Variants in FOXP2 observed in about 807,000 individuals in gnomAD.
FOXP2 encodes the protein forkhead box protein P2.
A neutral mutation model predicts 115.8 loss-of-function variants in FOXP2; 12 were observed. That is an observed-to-expected ratio of 0.10 (90% CI 0.07 to 0.17). The LOEUF (loss-of-function observed/expected upper bound fraction) is 0.17. Ranked by LOEUF, FOXP2 falls within the 10% of genes least tolerant of loss-of-function variation. The pLI, the probability that FOXP2 is intolerant of heterozygous loss-of-function variation, is 1.00. For synonymous variants in FOXP2, 328 were observed against 297.7 expected, an observed-to-expected ratio of 1.10 and a Z score of -1.05; for missense variants, 629 against 843.5, an observed-to-expected ratio of 0.75 and a Z score of 3.15.
At chr7:114,577,217 A>G (rs527502837) in intron 3 of FOXP2, among the ~76,000 whole-genome samples, 22 of 152,116 alleles carry the variant, frequency 1.4e-4, no homozygotes, top group African/African-American at 4.3e-4. Flanking sequence ...AAATTTCAAT[A>G]CATAGGATGT....
At chr7:114,226,246 C>A (rs1794746040) in intron 1 of FOXP2, among the ~76,000 whole-genome samples, 1 of 152,094 alleles carries the variant, frequency 6.6e-6, no homozygotes, top group African/African-American at 2.4e-5. Flanking sequence ...TGTTATGAAA[C>A]ATTCTTGTGT....
intron 3 of FOXP2, among the ~76,000 whole-genome samples, chr7:114,592,263 C>A (rs1387669024): frequency 6.6e-6 from 1 of 151,932 alleles, no homozygotes; most frequent in East Asian, 1.9e-4. Flanking sequence ...AAATAATATT[C>A]ATATGTAGTA....
At chr7:114,165,436 C>G (rs921696943) in intron 1 of FOXP2, among the ~76,000 whole-genome samples, 1 of 152,114 alleles carries the variant, frequency 6.6e-6, no homozygotes, top group African/African-American at 2.4e-5. Context: ...AGTGTTAACA[C>G]AAGGTTAATA....
chr7:114,405,061 A>G (rs1416009917), intron 2 of FOXP2, among the ~76,000 whole-genome samples: 4 of 151,972 alleles, frequency 2.6e-5, no homozygotes, highest in Non-Finnish European at 5.9e-5. Context: ...TTGATGAAGT[A>G]GAAAACAATT....
chr7:114,522,227 C>A (rs1798661379), intron 2 of FOXP2, among the ~76,000 whole-genome samples: 3 of 152,028 alleles, frequency 2.0e-5, no homozygotes, highest in Non-Finnish European at 4.4e-5. Context: ...GGGTTTGCTT[C>A]CTGGTTTGGG....
intron 3 of FOXP2, chr7:114,570,701 G>C: frequency 1.2e-6 from 1 of 838,040 alleles, no homozygotes; most frequent in Non-Finnish European, 2.1e-6. Flanking sequence ...GACCTACCAA[G>C]ATAATAATTC....
At chr7:114,360,859 T>A (rs902477151) in intron 2 of FOXP2, among the ~76,000 whole-genome samples, 1 of 152,198 alleles carries the variant, frequency 6.6e-6, no homozygotes, top group African/African-American at 2.4e-5. Context: ...TCAGCTAACT[T>A]TTCAAACCAT....
rs1804813049 is a variant in FOXP2, at chr7:114,629,991, A to C, written c.583A>C (p.Lys195Gln). The C allele has an allele frequency of 6.3e-7, 1 of 1,593,300 alleles. No individual in the cohort carries two copies. Among genetic ancestry groups the C allele is most frequent in the Non-Finnish European group, 8.5e-7 (1 of 1,174,056 alleles). Residue 195 changes from lysine (K) to glutamine (Q), a missense_variant, in exon 5 of 17, where the codon AAG becomes CAG. Physicochemically the swap from Lys to Gln is moderately conservative, Grantham distance 53. This residue lies in a region of FOXP2 where 138 missense variants were observed against 205.1 expected (regional missense o/e 0.67). Coordinates refer to ENST00000350908, the MANE Select transcript of FOXP2 (RefSeq NM_014491.4). ...QQQQQQQHPGKQAKEQQQQQQ... is the reference protein window; with the variant it reads ...QQQQQQQHPGQQAKEQQQQQQ... Reference sequence around the variant, plus strand: ...GCAGCAGCAGCAACAGCATCCTGGAAAGCAAGCGAAAGAGGTAGGATCCGG... The same window carrying C: ...GCAGCAGCAGCAACAGCATCCTGGACAGCAAGCGAAAGAGGTAGGATCCGG...
rs1027022268 is a variant in FOXP2, at chr7:114,266,527, G to T, written c.-101-21492G>T. On this transcript the variant is annotated intron_variant, in intron 1 of 17. Coordinates refer to the FOXP2 transcript ENST00000634411. ...CAGAAGCAAGAGAGAGAGTTGGGGA[G>T]AAGTACCACACACTTATAAGCCACC... Among the ~76,000 whole-genome samples the T allele has an allele frequency of 3.3e-5, 5 of 152,198 alleles. No individual in the cohort carries two copies. The East Asian group carries it at 9.7e-4, about 29-fold the overall frequency.
chr7:114,236,371 A>G (rs974485137), intron 1 of FOXP2, among the ~76,000 whole-genome samples: 5 of 152,194 alleles, frequency 3.3e-5, no homozygotes, highest in Admixed American at 2.0e-4. Flanking sequence ...TAGTGGATGG[A>G]GGATTATCTT....
intron 2 of FOXP2, among the ~76,000 whole-genome samples, chr7:114,401,893 G>C (rs1008989292): frequency 1.3e-5 from 2 of 152,202 alleles, no homozygotes; most frequent in Non-Finnish European, 2.9e-5. Flanking sequence ...GGCCAAGGCA[G>C]GCGGATCACT....
intron 1 of FOXP2, among the ~76,000 whole-genome samples, chr7:114,145,431 T>TTTTC (rs1792337107): frequency 1.0e-5 from 1 of 100,446 alleles, no homozygotes; most frequent in Non-Finnish European, 2.2e-5. Flanking sequence ...GCTTTGCCAT[T>TTTTC]TTTTCTTTTC....
chr7:114,550,648 C>G (rs1173930073), intron 3 of FOXP2, among the ~76,000 whole-genome samples: 1 of 152,168 alleles, frequency 6.6e-6, no homozygotes, highest in Non-Finnish European at 1.5e-5. Context: ...CTGATACACT[C>G]TAGTGATTTC....
intron 2 of FOXP2, among the ~76,000 whole-genome samples, chr7:114,455,867 C>T (rs984661690): frequency 6.6e-6 from 1 of 152,138 alleles, no homozygotes; most frequent in South Asian, 2.1e-4. Flanking sequence ...TTAATATCTG[C>T]CTGTCTGTCC....
At chr7:114,118,344 T>C (rs76961167) in intron 1 of FOXP2, among the ~76,000 whole-genome samples, 2,571 of 152,234 alleles carry the variant, frequency 0.017, 28 homozygotes, top group Non-Finnish European at 0.029. Context: ...ATGGGAAATA[T>C]TAATCGTTTT....
intron 16 of FOXP2, 110 bp from the exon 17 acceptor site, chr7:114,689,672 C>A (rs543228235): frequency 7.5e-6 from 8 of 1,069,338 alleles, no homozygotes; most frequent in Middle Eastern, 2.1e-4. Context: ...TTAAGAAAGA[C>A]AATGTTGTGT....
chr7:114,087,503 C>T (rs888350017), upstream of FOXP2, among the ~76,000 whole-genome samples: 67 of 152,036 alleles, frequency 4.4e-4, no homozygotes, highest in African/African-American at 1.5e-3. Context: ...AGACACCTTT[C>T]GGTGATAGGG....
At chr7:114,662,304 G>C in intron 14 of FOXP2, 118 bp downstream of exon 14, 1 of 1,347,572 alleles carries the variant, frequency 7.4e-7, no homozygotes, top group Admixed American at 1.8e-5. Flanking sequence ...CATTCTCGTG[G>C]CAATGAACTG....
At chr7:114,158,119 G>C (rs2129149907), upstream of FOXP2, among the ~76,000 whole-genome samples, 1 of 152,130 alleles carries the variant, frequency 6.6e-6, no homozygotes, top group South Asian at 2.1e-4. Flanking sequence ...ATGAAAAATT[G>C]CATTTACTAG....
Sources: allele counts gnomAD v4.1 joint callset (sites outside exome capture counted in the v4.1 genomes callset), GRCh38; gene constraint gnomAD v4.1.1; regional missense constraint gnomAD v4.1.1; transcripts MANE v1.5; gene names NCBI Gene and HGNC (gene_info 2026-07-23, HGNC 2026-07-21).